ASIC2: variants seen among roughly 807,000 people sequenced by gnomAD.
ASIC2 encodes the protein acid sensing ion channel subunit 2, also known as acid-sensing ion channel 2.
ASIC2 carries 25 observed loss-of-function variants against 57.3 expected under a neutral mutation model. The observed-to-expected ratio is 0.44, with a 90% CI of 0.32 to 0.61. The LOEUF is 0.61. ASIC2 is among the 20% of genes least tolerant of loss of function. The probability of loss-of-function intolerance (pLI) is 0.06; values close to 1 mark genes in which losing one functional copy is unlikely to be tolerated. For missense variants in ASIC2, 641 were observed against 738.1 expected (o/e 0.87, Z 1.52); for synonymous variants, 319 against 307.5 (o/e 1.04, Z -0.39).
intron 1 of ASIC2, among the ~76,000 whole-genome samples, chr17:33,380,245 C>CAAAAAAAAAAAAAA (rs10586872): frequency 1.1e-4 from 8 of 71,056 alleles, no homozygotes; most frequent in East Asian, 4.7e-4. Context: ...AACCCTGTCT[C>CAAAAAAAAAAAAAA]AAAAAAAAAA....
At chr17:33,351,982 T>C (rs527872267) in intron 1 of ASIC2, among the ~76,000 whole-genome samples, 2 of 152,238 alleles carry the variant, frequency 1.3e-5, no homozygotes, top group South Asian at 2.1e-4. Context: ...TCCTTCTGCA[T>C]GCTCAGGACT....
intron 3 of ASIC2, among the ~76,000 whole-genome samples, chr17:33,053,036 G>A (rs971712712): frequency 3.3e-5 from 5 of 152,132 alleles, no homozygotes; most frequent in Non-Finnish European, 5.9e-5. Context: ...ATGGAGAACC[G>A]CCCAAATGCC....
chr17:33,878,653 G>A (rs562233205), intron 1 of ASIC2, among the ~76,000 whole-genome samples: 6 of 152,304 alleles, frequency 3.9e-5, no homozygotes, highest in Admixed American at 6.5e-5. Flanking sequence ...AAAGTGATGG[G>A]GAGAATGGAA....
chr17:34,046,170 T>A (rs78778131), intron 1 of ASIC2, among the ~76,000 whole-genome samples: 1 of 152,208 alleles, frequency 6.6e-6, no homozygotes, highest in Non-Finnish European at 1.5e-5. Flanking sequence ...TACAGTCACA[T>A]GACCAGGTAA....
chr17:33,126,427 C>T (rs975007262), intron 1 of ASIC2, among the ~76,000 whole-genome samples: 2 of 152,138 alleles, frequency 1.3e-5, no homozygotes, highest in Admixed American at 6.5e-5. Context: ...GTCGAATGGC[C>T]TGGCCACACC....
intron 1 of ASIC2, among the ~76,000 whole-genome samples, chr17:34,014,545 AG>A (rs1906877098): frequency 6.6e-6 from 1 of 152,200 alleles, no homozygotes; most frequent in Non-Finnish European, 1.5e-5. Flanking sequence ...GGTAGCTTCC[AG>A]GCCCCGTCCA....
intron 1 of ASIC2, among the ~76,000 whole-genome samples, chr17:34,061,084 A>T (rs1908954801): frequency 1.3e-5 from 2 of 152,338 alleles, no homozygotes; most frequent in East Asian, 1.9e-4. Flanking sequence ...AAGAATCTTA[A>T]GAACTGTGAG....
At chr17:34,152,934 C>A (rs1013795258) in intron 1 of ASIC2, among the ~76,000 whole-genome samples, 39 of 150,774 alleles carry the variant, frequency 2.6e-4, no homozygotes, top group Non-Finnish European at 4.6e-4. Context: ...AGGGAAAAAA[C>A]GTGTGCTTAT....
At chr17:33,746,323 T>G (rs1226645760) in intron 1 of ASIC2, among the ~76,000 whole-genome samples, 1 of 149,552 alleles carries the variant, frequency 6.7e-6, no homozygotes, top group African/African-American at 2.4e-5. Flanking sequence ...TACACATATA[T>G]ACATATATGT....
chr17:33,605,452 C>CT (rs1905209007), intron 1 of ASIC2, among the ~76,000 whole-genome samples: 1 of 152,168 alleles, frequency 6.6e-6, no homozygotes, highest in South Asian at 2.1e-4. Flanking sequence ...GTTTTTATCA[C>CT]TTTCAAGGCA....
chr17:33,023,892 T>C lies in ASIC2; in HGVS notation c.1318A>G (p.Lys440Glu), dbSNP rs988686158. 1 of 1,614,236 alleles carries C rather than the reference T, an allele frequency of 6.2e-7. No homozygotes were observed. The highest frequency in any genetic ancestry group is 8.5e-7 in the Non-Finnish European group (1 of 1,180,046). Residue 440 changes from lysine to glutamate, a missense_variant, in exon 6 of 10, where the codon AAG (lysine) becomes GAG (glutamate). Coordinates refer to ENST00000225823, the MANE Select transcript of ASIC2 (RefSeq NM_183377.2). ...PSKTSAKYLE[K>E]KFNKSEKYIS... is the part of the protein sequence containing the mutation. Reference sequence around the variant, plus strand: ...TATTTTTCTGATTTGTTAAATTTCTTCTCAAGGTACTTGGCTGATGTCTTG... The same window carrying C: ...TATTTTTCTGATTTGTTAAATTTCTCCTCAAGGTACTTGGCTGATGTCTTG...
At chr17:33,860,722 TTTC>T (rs1470224828) in intron 1 of ASIC2, among the ~76,000 whole-genome samples, 2 of 152,240 alleles carry the variant, frequency 1.3e-5, no homozygotes, top group African/African-American at 4.8e-5. Context: ...GAATTGATTC[TTTC>T]ACAGATATAT....
chr17:33,825,695 GA>G (rs1056096144), intron 1 of ASIC2, among the ~76,000 whole-genome samples: 20 of 152,190 alleles, frequency 1.3e-4, no homozygotes, highest in African/African-American at 4.8e-4. Context: ...AGCACTTAAA[GA>G]CCTCAAAACT....
chr17:33,085,904 C>T (rs2092132371), intron 3 of ASIC2, among the ~76,000 whole-genome samples: 1 of 152,076 alleles, frequency 6.6e-6, no homozygotes, highest in African/African-American at 2.4e-5. Flanking sequence ...GCTTTGAAGA[C>T]TGTAAAATGT....
At chr17:33,046,247 T>C (rs564208316) in intron 3 of ASIC2, among the ~76,000 whole-genome samples, 1 of 152,328 alleles carries the variant, frequency 6.6e-6, no homozygotes, top group South Asian at 2.1e-4. Flanking sequence ...TGTTGGGGTA[T>C]AAATTGGCTT....
At chr17:34,018,326 T>C (rs1229143021) in intron 1 of ASIC2, among the ~76,000 whole-genome samples, 1 of 152,212 alleles carries the variant, frequency 6.6e-6, no homozygotes, top group Non-Finnish European at 1.5e-5. Flanking sequence ...CAAAAACAAA[T>C]ATTCCTGTAA....
chr17:33,617,846 A>G (rs1052847005), intron 1 of ASIC2, among the ~76,000 whole-genome samples: 1 of 152,212 alleles, frequency 6.6e-6, no homozygotes, highest in African/African-American at 2.4e-5. Context: ...TATATCAATA[A>G]TTACGTGTTT....
At chr17:33,308,720 C>T (rs941917017) in intron 1 of ASIC2, among the ~76,000 whole-genome samples, 4 of 152,166 alleles carry the variant, frequency 2.6e-5, no homozygotes, top group African/African-American at 9.7e-5. Context: ...AGATGACACA[C>T]ACAAAACATT....
chr17:33,062,246 G>A (rs2092023834), intron 3 of ASIC2, among the ~76,000 whole-genome samples: 1 of 152,030 alleles, frequency 6.6e-6, no homozygotes, highest in African/African-American at 2.4e-5. Context: ...TCTTTTAATT[G>A]TGATGTTAGG....
Sources: allele counts gnomAD v4.1 joint callset (sites outside exome capture counted in the v4.1 genomes callset), GRCh38; gene constraint gnomAD v4.1.1; transcripts MANE v1.5; gene names NCBI Gene and HGNC (gene_info 2026-07-23, HGNC 2026-07-21).